Variants in SFMBT2 observed in about 807,000 individuals in gnomAD.
SFMBT2 encodes scm-like with four MBT domains protein 2.
Under a neutral mutation model 110.1 loss-of-function variants are expected in SFMBT2, and 38 were observed. That is an observed-to-expected ratio of 0.35 (90% CI 0.27 to 0.45). The LOEUF (loss-of-function observed/expected upper bound fraction) is 0.45. Among genes scored for constraint, SFMBT2 ranks in the 20% least tolerant of loss-of-function variants. The pLI is 1.00. For missense variants in SFMBT2, 1,011 were observed against 1,094.9 expected (o/e 0.92, Z 1.08); for synonymous variants, 425 against 425.4 (o/e 1.00, Z 0.01).
chr10:7,395,657 C>T (rs1232583417), intron 1 of SFMBT2, among the ~76,000 whole-genome samples: 2 of 151,218 alleles, frequency 1.3e-5, no homozygotes, highest in African/African-American at 4.9e-5. Context: ...TCAACTTTCT[C>T]TCTAACCCTT....
At chr10:7,292,733 T>A (rs1165027631) in intron 4 of SFMBT2, among the ~76,000 whole-genome samples, 2 of 152,138 alleles carry the variant, frequency 1.3e-5, no homozygotes, top group Admixed American at 6.5e-5. Flanking sequence ...GAATAAGATT[T>A]AGGTGGGGTG....
intron 4 of SFMBT2, chr10:7,329,663 G>T (rs778412828): frequency 3.9e-6 from 1 of 257,288 alleles, no homozygotes; most frequent in African/African-American, 2.3e-5. Flanking sequence ...CACAATAACC[G>T]GGGCCTTGGC....
At chr10:7,264,101 T>G in intron 7 of SFMBT2, 3 of 244,256 alleles carry the variant, frequency 1.2e-5, no homozygotes, top group Non-Finnish European at 6.6e-6. Context: ...GGAAGGTCTT[T>G]ATTTCTTTCT....
At chr10:7,350,751 T>C (rs1174778420) in intron 4 of SFMBT2, among the ~76,000 whole-genome samples, 1 of 152,374 alleles carries the variant, frequency 6.6e-6, no homozygotes, top group African/African-American at 2.4e-5. Flanking sequence ...AGCAGGTTTT[T>C]ACAATCTTGT....
chr10:7,188,666 T>C lies in SFMBT2; in HGVS notation c.1766A>G (p.Glu589Gly). ...GRVLRELQLV[E>G]DPHWNFQEET... ...TTCCTGGAAATTCCAGTGGGGATCT[T>C]CTACCAGCTGTAATTCTCTTAATAC... The change falls in exon 16 of 21, where the codon GAA (glutamate) becomes GGA (glycine). Residue 589 changes from glutamate to glycine, a missense_variant. By Grantham distance (98) the Glu-to-Gly change is moderately conservative. Transcript: ENST00000397167. 6.2e-7 allele frequency: 1 copy of C among 1,613,916 alleles called. No individual in the cohort carries two copies. The highest frequency in any genetic ancestry group is 1.1e-5 in the South Asian group (1 of 90,992).
At chr10:7,235,962 G>C (rs1276498154) in intron 9 of SFMBT2, among the ~76,000 whole-genome samples, 1 of 152,028 alleles carries the variant, frequency 6.6e-6, no homozygotes, top group African/African-American at 2.4e-5. Context: ...AACATCAACA[G>C]CTCCAGATAG....
intron 4 of SFMBT2, among the ~76,000 whole-genome samples, chr10:7,341,468 G>A (rs1843900795): frequency 6.6e-6 from 1 of 152,152 alleles, no homozygotes; most frequent in Non-Finnish European, 1.5e-5. Context: ...GCTTTTGTTT[G>A]GAGAGGAAGA....
chr10:7,318,042 C>T (rs140304517), intron 4 of SFMBT2, among the ~76,000 whole-genome samples: 2,055 of 152,282 alleles, frequency 0.013, 43 homozygotes, highest in African/African-American at 0.046. Flanking sequence ...TTTCTGAGAA[C>T]TCTAAGGAAT....
intron 5 of SFMBT2, chr10:7,285,227 C>T (rs549815548): frequency 7.2e-5 from 11 of 152,266 alleles, no homozygotes; most frequent in African/African-American, 2.6e-4. Flanking sequence ...TATACAAATA[C>T]AAATACTACA....
intron 1 of SFMBT2, among the ~76,000 whole-genome samples, chr10:7,387,626 G>A (rs1014575593): frequency 5.3e-5 from 8 of 152,026 alleles, no homozygotes; most frequent in South Asian, 2.1e-4. Flanking sequence ...CAGAGGAGCC[G>A]AGGATAAGAG....
chr10:7,229,296 A>G (rs1463226716), intron 9 of SFMBT2, among the ~76,000 whole-genome samples: 1 of 152,108 alleles, frequency 6.6e-6, no homozygotes. Context: ...GAAACTCAAC[A>G]TAGGCCGGGC....
chr10:7,338,048 C>CCACACATGTGACCT (rs1196495799), intron 4 of SFMBT2, among the ~76,000 whole-genome samples: 1 of 152,212 alleles, frequency 6.6e-6, no homozygotes, highest in Non-Finnish European at 1.5e-5. Flanking sequence ...ACCCAGCCCT[C>CCACACATGTGACCT]CACACATGTG....
chr10:7,323,521 C>T (rs1336492184), intron 4 of SFMBT2, among the ~76,000 whole-genome samples: 1 of 149,722 alleles, frequency 6.7e-6, no homozygotes, highest in East Asian at 1.9e-4. Context: ...ACAGCAGTTG[C>T]CATAGAAGAC....
At chr10:7,233,467 G>A (rs1840167979) in intron 9 of SFMBT2, among the ~76,000 whole-genome samples, 1 of 152,166 alleles carries the variant, frequency 6.6e-6, no homozygotes, top group Non-Finnish European at 1.5e-5. Context: ...CCTCACCCCA[G>A]AGAATGTTTA....
intron 15 of SFMBT2, 64 bp from the exon 16 acceptor site, chr10:7,188,797 G>T: frequency 7.2e-7 from 1 of 1,388,984 alleles, no homozygotes. Context: ...ACACAAGGAT[G>T]CTTTGAAAAC....
intron 20 of SFMBT2, among the ~76,000 whole-genome samples, chr10:7,167,094 G>T (rs1405832985): frequency 1.3e-5 from 2 of 152,212 alleles, no homozygotes; most frequent in African/African-American, 4.8e-5. Flanking sequence ...GAGCACTCGG[G>T]TGAGGATCTG....
chr10:7,232,321 C>T (rs1169202563), intron 9 of SFMBT2, among the ~76,000 whole-genome samples: 2 of 152,090 alleles, frequency 1.3e-5, no homozygotes, highest in Non-Finnish European at 2.9e-5. Context: ...AAAACTCCTA[C>T]CCTTTGACGC....
chr10:7,267,284 C>T (rs1300194076), intron 7 of SFMBT2, among the ~76,000 whole-genome samples: 2 of 152,226 alleles, frequency 1.3e-5, no homozygotes, highest in Non-Finnish European at 2.9e-5. Flanking sequence ...TCTATCCTTT[C>T]ACTGTAATAA....
chr10:7,228,731 CTTTCCTTT>C (rs1290859860), intron 9 of SFMBT2, among the ~76,000 whole-genome samples: 4 of 62,448 alleles, frequency 6.4e-5, no homozygotes, highest in African/African-American at 1.7e-4. Flanking sequence ...TTCTTTCTTT[CTTTCCTTT>C]CTCTCTCTCT....
Sources: gnomAD v4.1 joint callset for allele counts (sites outside exome capture counted in the v4.1 genomes callset) on GRCh38, gnomAD v4.1.1 for gene constraint, MANE v1.5 for transcripts, NCBI Gene and HGNC (gene_info 2026-07-23, HGNC 2026-07-21) for gene names.